Variants in DOCK1 observed in about 807,000 individuals in gnomAD.
DOCK1 encodes the protein dedicator of cytokinesis 1.
DOCK1 carries 138 observed loss-of-function variants against 262.7 expected under a neutral mutation model. The ratio of observed to expected loss-of-function variants is 0.53; its 90% CI spans 0.46 to 0.61. The LOEUF is 0.61. Among genes scored for constraint, DOCK1 ranks in the 20% least tolerant of loss-of-function variants. DOCK1 has a pLI of 0.00. For missense variants in DOCK1, 1,908 were observed against 2,370.7 expected (o/e 0.80, Z 4.05); for synonymous variants, 866 against 867.4 (o/e 1.00, Z 0.03).
chr10:127,094,669 C>A (rs1227016104), intron 23 of DOCK1, among the ~76,000 whole-genome samples: 1 of 152,220 alleles, frequency 6.6e-6, no homozygotes, highest in Non-Finnish European at 1.5e-5. Flanking sequence ...ACACACTTAT[C>A]TTCTACCCAC....
chr10:126,914,762 A>C (rs1015797250), intron 1 of DOCK1, among the ~76,000 whole-genome samples: 1 of 152,232 alleles, frequency 6.6e-6, no homozygotes, highest in Non-Finnish European at 1.5e-5. Context: ...TGCTGTAACA[A>C]ACAGCCCCAA....
chr10:127,290,114 G>A (rs577698592), intron 29 of DOCK1, among the ~76,000 whole-genome samples: 36 of 151,916 alleles, frequency 2.4e-4, no homozygotes, highest in African/African-American at 8.4e-4. Context: ...TTCTGTTTCC[G>A]TGGATGTGTT....
chr10:127,221,659 C>T (rs985947652), intron 27 of DOCK1, among the ~76,000 whole-genome samples: 2 of 152,144 alleles, frequency 1.3e-5, no homozygotes, highest in African/African-American at 2.4e-5. Context: ...AAAAGTGCAT[C>T]AACGCTCAAG....
At chr10:127,051,973 AT>A (rs2044752301) in intron 21 of DOCK1, among the ~76,000 whole-genome samples, 1 of 152,060 alleles carries the variant, frequency 6.6e-6, no homozygotes, top group South Asian at 2.1e-4. Context: ...TATGAAAAAA[AT>A]TTTTGTGTCT....
intron 21 of DOCK1, among the ~76,000 whole-genome samples, chr10:127,047,865 A>G (rs1349581811): frequency 1.3e-5 from 2 of 152,038 alleles, no homozygotes; most frequent in Non-Finnish European, 2.9e-5. Flanking sequence ...TCTATTTCTG[A>G]GCAGTATTTT....
chr10:127,033,865 A>G (rs2043406468), intron 18 of DOCK1, among the ~76,000 whole-genome samples: 1 of 152,146 alleles, frequency 6.6e-6, no homozygotes, highest in South Asian at 2.1e-4. Flanking sequence ...TCTGGGCTAC[A>G]CTTTCCCACT....
At chr10:126,948,431 G>A (rs1332587276) in intron 1 of DOCK1, among the ~76,000 whole-genome samples, 1 of 147,776 alleles carries the variant, frequency 6.8e-6, no homozygotes, top group Non-Finnish European at 1.5e-5. Flanking sequence ...GGTGGTGGTG[G>A]TGGTAATACT....
At chr10:127,053,226 C>A (rs2044867070) in intron 22 of DOCK1, among the ~76,000 whole-genome samples, 1 of 152,230 alleles carries the variant, frequency 6.6e-6, no homozygotes, top group African/African-American at 2.4e-5. Flanking sequence ...CCTGTAATCC[C>A]AGCTACTTGG....
At chr10:127,383,227 A>G (rs142342611) in intron 37 of DOCK1, among the ~76,000 whole-genome samples, 278 of 152,314 alleles carry the variant, frequency 1.8e-3, no homozygotes, top group African/African-American at 6.5e-3. Context: ...TCGCCTAGCA[A>G]TCAAATTATT....
At chr10:127,043,311 C>A (rs1047787395) in intron 21 of DOCK1, 147 bp downstream of exon 21, 3 of 660,412 alleles carry the variant, frequency 4.5e-6, no homozygotes, top group African/African-American at 3.7e-5. Flanking sequence ...AGTATTGTTT[C>A]CCTCTTAACA....
intron 16 of DOCK1, among the ~76,000 whole-genome samples, chr10:127,031,160 G>C (rs1039579708): frequency 6.6e-6 from 1 of 152,208 alleles, no homozygotes; most frequent in African/African-American, 2.4e-5. Context: ...CAGTTTCCTT[G>C]GTGGAATGGT....
At chr10:127,411,126 G>A (rs1361985193) in intron 43 of DOCK1, among the ~76,000 whole-genome samples, 1 of 152,150 alleles carries the variant, frequency 6.6e-6, no homozygotes, top group Non-Finnish European at 1.5e-5. Context: ...ATATGACTAA[G>A]GTCACTGAGA....
intron 1 of DOCK1, among the ~76,000 whole-genome samples, chr10:126,960,391 C>A (rs1412609945): frequency 6.6e-6 from 1 of 151,582 alleles, no homozygotes; most frequent in Admixed American, 6.6e-5. Context: ...TATTGGGCAC[C>A]TGCTATGTGA....
chr10:127,086,729 C>T (rs904899438), intron 23 of DOCK1, among the ~76,000 whole-genome samples: 3 of 151,814 alleles, frequency 2.0e-5, no homozygotes, highest in Non-Finnish European at 2.9e-5. Context: ...AAAATGATGA[C>T]GAAAATGGGT....
At chr10:127,135,792 T>C (rs958601077) in intron 27 of DOCK1, 4 of 152,656 alleles carry the variant, frequency 2.6e-5, no homozygotes, top group African/African-American at 9.6e-5. Context: ...TACTAGGATG[T>C]CCTCTTGTTT....
intron 23 of DOCK1, among the ~76,000 whole-genome samples, chr10:127,099,034 G>T (rs2048076923): frequency 6.6e-6 from 1 of 152,176 alleles, no homozygotes; most frequent in Non-Finnish European, 1.5e-5. Context: ...CTCCTGCCAA[G>T]GAAAGCCAGA....
intron 27 of DOCK1, among the ~76,000 whole-genome samples, chr10:127,226,389 C>T (rs1306472338): frequency 2.0e-5 from 3 of 152,114 alleles, no homozygotes; most frequent in Admixed American, 1.3e-4. Context: ...ATGCCAGGCG[C>T]TCATGGCGTC....
intron 21 of DOCK1, among the ~76,000 whole-genome samples, chr10:127,049,499 T>C (rs9418812): frequency 0.63 from 95,492 of 151,850 alleles, 30,579 homozygotes; most frequent in South Asian, 0.72. Flanking sequence ...CCAGCCTGAG[T>C]GACAGAGTGA....
At chr10:126,948,881 C>T (rs1564998899) in intron 1 of DOCK1, among the ~76,000 whole-genome samples, 2 of 152,164 alleles carry the variant, frequency 1.3e-5, no homozygotes, top group Admixed American at 6.5e-5. Flanking sequence ...GGGCCTGGCC[C>T]AGGGTAGTAC....
Sources: allele counts gnomAD v4.1 joint callset (sites outside exome capture counted in the v4.1 genomes callset), GRCh38; gene constraint gnomAD v4.1.1; transcripts MANE v1.5; gene names NCBI Gene and HGNC (gene_info 2026-07-23, HGNC 2026-07-21).